Variants in VCAN observed in about 807,000 individuals in gnomAD.
VCAN encodes versican.
Under a neutral mutation model 245.5 loss-of-function variants are expected in VCAN, and 44 were observed. The observed-to-expected ratio is 0.18, with a 90% CI of 0.14 to 0.23. The LOEUF is 0.23. VCAN is among the 10% of genes least tolerant of loss of function. VCAN has a pLI of 1.00. For synonymous variants in VCAN, 1,413 were observed against 1,437.0 expected (o/e 0.98, Z 0.38); for missense variants, 3,793 against 4,057.9 (o/e 0.93, Z 1.77).
At chr5:83,512,543 G>A in intron 6 of VCAN, 147 bp downstream of exon 6, 1 of 1,087,936 alleles carries the variant, frequency 9.2e-7, no homozygotes, top group Non-Finnish European at 1.3e-6. Context: ...TCAAAAGCAA[G>A]CAAACTGAAC....
intron 7 of VCAN, among the ~76,000 whole-genome samples, chr5:83,523,963 T>A (rs1208874599): frequency 2.0e-5 from 3 of 152,154 alleles, no homozygotes; most frequent in African/African-American, 2.4e-5. Context: ...AGTTTCATAA[T>A]TTAAAAAAAT....
intron 12 of VCAN, chr5:83,562,251 GGAA>G (rs1275216009): frequency 6.6e-6 from 1 of 152,110 alleles, no homozygotes; most frequent in African/African-American, 2.4e-5. Flanking sequence ...ACTCATGAGT[GGAA>G]GAATTCTCAG....
At chr5:83,512,077 C>T (rs1561238846) in intron 5 of VCAN, 26 bp from the exon 6 acceptor site, 5 of 1,613,314 alleles carry the variant, frequency 3.1e-6, no homozygotes, top group Non-Finnish European at 4.2e-6. Flanking sequence ...AAACTTTGGG[C>T]TTTTTTTCCC....
Position 83,540,943 on chromosome 5 carries a change from C to G in VCAN, c.7940C>G (p.Thr2647Ser). 6.2e-7 allele frequency: 1 copy of G among 1,614,056 alleles called. No individual in the cohort carries two copies. Among genetic ancestry groups the G allele is most frequent in the Non-Finnish European group, 8.5e-7 (1 of 1,179,994 alleles). ...TCTGCTGATGTTCTGGCTAGCTACA[C>G]TCAGGCAACACATGATGAATCAATG... ...EGSADVLASY[T>S]QATHDESMTY... The change falls in exon 8 of 15, where the codon ACT becomes AGT. Residue 2647 changes from threonine (T) to serine (S), a missense_variant. Thr to Ser is a moderately conservative substitution (Grantham distance 58, BLOSUM62 1). Coordinates refer to ENST00000265077, the MANE Select transcript of VCAN (RefSeq NM_004385.5).
intron 2 of VCAN, among the ~76,000 whole-genome samples, chr5:83,486,758 T>G (rs963066361): frequency 6.6e-6 from 1 of 152,240 alleles, no homozygotes; most frequent in African/African-American, 2.4e-5. Context: ...CTTTACCTAT[T>G]CTTTGTAAAT....
rs912143546 is a variant in VCAN at position 83,580,488 on chromosome 5, C to G, written c.*54C>G. 4 of 1,608,998 alleles carry G rather than the reference C, an allele frequency of 2.5e-6. No individual in the cohort carries two copies. The Admixed American group carries it at 6.7e-5, about 27-fold the overall frequency. ...TCATTTCAGCCAAAGTCCTAACTTC[C>G]TGTGCCTTTCCTATCACCTCGAGAA... is the stretch of plus-strand genomic sequence containing the variant. On this transcript the variant is annotated 3_prime_UTR_variant, in exon 15 of 15. Coordinates refer to ENST00000265077, the MANE Select transcript of VCAN (RefSeq NM_004385.5).
chr5:83,545,493 A>C, intron 8 of VCAN, 44 bp from the exon 9 acceptor site: 1 of 1,523,968 alleles, frequency 6.6e-7, no homozygotes, highest in Non-Finnish European at 9.1e-7. Flanking sequence ...CGCAAACATT[A>C]GAGACGAGCC....
chr5:83,486,574 G>T (rs1311046651), intron 2 of VCAN, among the ~76,000 whole-genome samples: 1 of 152,182 alleles, frequency 6.6e-6, no homozygotes, highest in Non-Finnish European at 1.5e-5. Flanking sequence ...TGGATGGGCT[G>T]TATTGGAAGG....
intron 12 of VCAN, among the ~76,000 whole-genome samples, chr5:83,555,784 G>T (rs1430600681): frequency 6.6e-6 from 1 of 152,128 alleles, no homozygotes; most frequent in Admixed American, 6.6e-5. Context: ...CTTATCCCAG[G>T]TCCATTACAG....
intron 13 of VCAN, among the ~76,000 whole-genome samples, chr5:83,579,411 C>A (rs181233908): frequency 6.6e-6 from 1 of 152,034 alleles, no homozygotes; most frequent in East Asian, 1.9e-4. Flanking sequence ...CTACAGGTGC[C>A]CACCACCATG....
intron 12 of VCAN, among the ~76,000 whole-genome samples, chr5:83,556,582 A>G (rs1274742205): frequency 6.6e-6 from 1 of 152,156 alleles, no homozygotes; most frequent in Non-Finnish European, 1.5e-5. Context: ...CAATAGGCTC[A>G]TCTTCTTCTA....
rs371005267 is a variant in VCAN at position 83,490,432 on chromosome 5, G to A, written c.405G>A (p.Gly135=). ...TTTACCGCTGTGACGTCATGTACGG[G>A]ATTGAAGACACACAAGACACGGTGT... ...AGLYRCDVMY[G]IEDTQDTVSL... Residue 135 remains glycine, a synonymous_variant, in exon 3 of 15, where the codon GGG becomes GGA. Transcript: ENST00000265077. The A allele has an allele frequency of 1.1e-4, 176 of 1,614,064 alleles. No homozygotes were observed. Among genetic ancestry groups the A allele is most frequent in the Non-Finnish European group, 1.3e-4 (156 of 1,180,048 alleles).
chr5:83,494,033 CA>C (rs1745075940), intron 5 of VCAN, 102 bp downstream of exon 5: 15 of 1,576,298 alleles, frequency 9.5e-6, no homozygotes, highest in Admixed American at 3.4e-5. Context: ...GTTTGGATTC[CA>C]AACGGTGGCA....
At chr5:83,562,733 G>A (rs566293061) in intron 12 of VCAN, among the ~76,000 whole-genome samples, 13 of 152,184 alleles carry the variant, frequency 8.5e-5, no homozygotes, top group Non-Finnish European at 1.6e-4. Context: ...CTTCATGACT[G>A]GAGACCTGTG....
chr5:83,490,175 C>T lies in VCAN; in HGVS notation c.148C>T (p.Pro50Ser). 6.2e-7 allele frequency: 1 copy of T among 1,614,156 alleles called. No homozygotes were observed. Among genetic ancestry groups the T allele is most frequent in the Non-Finnish European group, 8.5e-7 (1 of 1,180,034 alleles). Residue 50 changes from proline (P) to serine (S), a missense_variant, in exon 3 of 15, where the codon CCT (proline) becomes TCT (serine). Pro to Ser is a moderately conservative substitution (Grantham distance 74, BLOSUM62 -1). Transcript: ENST00000265077. ...VSLPCHFSTM[P>S]TLPPSYNTSE... ...CCTACCTTGTCATTTTTCAACGATG[C>T]CTACTTTGCCACCCAGTTACAACAC...
chr5:83,555,847 G>A (rs1217587756), intron 12 of VCAN, among the ~76,000 whole-genome samples: 8 of 152,118 alleles, frequency 5.3e-5, no homozygotes, highest in Non-Finnish European at 8.8e-5. Flanking sequence ...ATTCTTAAAC[G>A]CAAAGTTGGG....
intron 12 of VCAN, among the ~76,000 whole-genome samples, chr5:83,570,421 A>G (rs1204574364): frequency 6.6e-6 from 1 of 152,212 alleles, no homozygotes; most frequent in African/African-American, 2.4e-5. Context: ...TAAAAGACTG[A>G]AACAAAAGTA....
In VCAN at chr5:83,512,083, T is replaced by C; in HGVS notation, c.749-20T>C. On this transcript the variant is annotated intron_variant, in intron 5 of 14. Transcript: ENST00000265077. ...TGAATAATAAAACTTTGGGCTTTTTTTCCCTTCTTTTTTTTCCAGGTGATG... is the reference window on the plus strand; with the variant it reads ...TGAATAATAAAACTTTGGGCTTTTTCTCCCTTCTTTTTTTTCCAGGTGATG... 6.2e-7 allele frequency: 1 copy of C among 1,613,764 alleles called. No homozygotes were observed. The highest frequency in any genetic ancestry group is 8.5e-7 in the Non-Finnish European group (1 of 1,179,944).
Position 83,580,801 on chromosome 5 carries a change from C to A in VCAN, c.*367C>A. On this transcript the variant is annotated 3_prime_UTR_variant, in exon 15 of 15. Transcript: ENST00000265077. Reference sequence around the variant, plus strand: ...AAGATGATTTAATGTTGATTTTAATCCTGTATATAAAATAAAAAGTCACAA... The same window carrying A: ...AAGATGATTTAATGTTGATTTTAATACTGTATATAAAATAAAAAGTCACAA... 3.2e-6 allele frequency: 1 copy of A among 316,524 alleles called. No homozygotes were observed. Among genetic ancestry groups the A allele is most frequent in the South Asian group, 2.9e-5 (1 of 34,266 alleles). The allele number at this position is 316,524 out of a possible 1,614,324, so 19.6% of individuals were successfully genotyped here.
Sources: allele counts gnomAD v4.1 joint callset (sites outside exome capture counted in the v4.1 genomes callset), GRCh38; gene constraint gnomAD v4.1.1; transcripts MANE v1.5; gene names NCBI Gene and HGNC (gene_info 2026-07-23, HGNC 2026-07-21).